The following LAMA2 variants were observed in gnomAD, a reference collection of about 807,000 sequenced individuals.
The protein encoded by LAMA2 is laminin subunit alpha 2, also known as laminin subunit alpha-2.
Under a neutral mutation model 364.8 loss-of-function variants are expected in LAMA2, and 269 were observed. The observed-to-expected ratio is 0.74, with a 90% CI of 0.67 to 0.82. The LOEUF (loss-of-function observed/expected upper bound fraction) is 0.82. Among genes scored for constraint, LAMA2 ranks in the 40% least tolerant of loss-of-function variants. The pLI, the probability that LAMA2 is intolerant of heterozygous loss-of-function variation, is 0.00. For synonymous variants in LAMA2, 1,379 were observed against 1,370.6 expected (o/e 1.01, Z -0.14); for missense variants, 3,807 against 3,873.2 (o/e 0.98, Z 0.45).
intron 53 of LAMA2, among the ~76,000 whole-genome samples, chr6:129,476,697 T>C (rs1471830560): frequency 6.6e-6 from 1 of 152,196 alleles, no homozygotes; most frequent in African/African-American, 2.4e-5. Flanking sequence ...AAGGAAAATA[T>C]GGAAGCAAGT....
chr6:129,382,456 T>TG (rs1778746371), intron 34 of LAMA2, among the ~76,000 whole-genome samples: 1 of 152,012 alleles, frequency 6.6e-6, no homozygotes, highest in Admixed American at 6.6e-5. Flanking sequence ...CTTTGGGAGG[T>TG]GGGGCTGTTT....
intron 1 of LAMA2, among the ~76,000 whole-genome samples, chr6:128,918,465 C>G (rs749131695): frequency 8.6e-5 from 13 of 152,028 alleles, no homozygotes; most frequent in Non-Finnish European, 1.6e-4. Context: ...AAGAAATAAA[C>G]AAATATTGGA....
intron 12 of LAMA2, among the ~76,000 whole-genome samples, chr6:129,232,406 C>T (rs372711167): frequency 2.0e-4 from 31 of 152,144 alleles, no homozygotes; most frequent in African/African-American, 7.2e-4. Flanking sequence ...CTTCCTTTCC[C>T]AGGTGTTATA....
At chr6:128,969,213 C>T (rs1766057756) in intron 1 of LAMA2, among the ~76,000 whole-genome samples, 2 of 152,118 alleles carry the variant, frequency 1.3e-5, no homozygotes, top group Admixed American at 1.3e-4. Flanking sequence ...ATTTCTTTTA[C>T]CTCTTTTTTG....
chr6:129,238,417 A>G lies in LAMA2; in HGVS notation c.1783-11695A>G, dbSNP rs1418198053. ...ATTTTCATGCCCTTTTAGACATAAC[A>G]TAACGTATAATTCAGAGTTGAATTA... is the stretch of plus-strand genomic sequence containing the variant. On this transcript the variant is annotated intron_variant, in intron 12 of 64. Coordinates refer to ENST00000421865, the MANE Select transcript of LAMA2 (RefSeq NM_000426.4). Among the ~76,000 whole-genome samples the G allele has an allele frequency of 2.0e-5, 3 of 152,186 alleles. No homozygotes were observed. The East Asian group carries it at 5.8e-4, about 29-fold the overall frequency.
At chr6:128,987,140 G>GTTTTTTTTTTTTTTT (rs764115716) in intron 1 of LAMA2, among the ~76,000 whole-genome samples, 24 of 121,382 alleles carry the variant, frequency 2.0e-4, no homozygotes, top group Non-Finnish European at 3.6e-4. Flanking sequence ...TTTTTTTTTT[G>GTTTTTTTTTTTTTTT]TTTTTTTTTT....
intron 1 of LAMA2, among the ~76,000 whole-genome samples, chr6:129,035,173 T>C (rs1216829915): frequency 6.6e-6 from 1 of 152,088 alleles, no homozygotes; most frequent in African/African-American, 2.4e-5. Context: ...TAATACTAGC[T>C]ATTCTAATTT....
At chr6:129,155,381 A>G (rs1041608280) in intron 8 of LAMA2, among the ~76,000 whole-genome samples, 23 of 152,268 alleles carry the variant, frequency 1.5e-4, no homozygotes, top group African/African-American at 5.5e-4. Flanking sequence ...GTCATTCTAT[A>G]TCATCTCTAA....
At chr6:129,393,350 T>C (rs1779429512) in intron 37 of LAMA2, 95 bp downstream of exon 37, 1 of 933,290 alleles carries the variant, frequency 1.1e-6, no homozygotes, top group African/African-American at 1.6e-5. Flanking sequence ...TGATGCACAT[T>C]TACAAAAGTC....
chr6:129,260,574 G>A (rs940655938), intron 14 of LAMA2, 137 bp from the exon 15 acceptor site: 298 of 724,004 alleles, frequency 4.1e-4, no homozygotes, highest in East Asian at 1.3e-3. Flanking sequence ...AGAGCTTTTG[G>A]TTATGGTATT....
At chr6:129,091,083 GA>G (rs201277327) in intron 3 of LAMA2, among the ~76,000 whole-genome samples, 1 of 151,246 alleles carries the variant, frequency 6.6e-6, no homozygotes, top group African/African-American at 2.4e-5. Context: ...CAGCACTAAG[GA>G]AAAAAAATAA....
At chr6:129,070,872 G>T (rs149140828) in intron 3 of LAMA2, among the ~76,000 whole-genome samples, 1 of 152,228 alleles carries the variant, frequency 6.6e-6, no homozygotes, top group Non-Finnish European at 1.5e-5. Flanking sequence ...CACAGAAAAG[G>T]TGACAAATAA....
At chr6:129,324,594 A>G (rs774911759) in intron 28 of LAMA2, among the ~76,000 whole-genome samples, 1 of 152,198 alleles carries the variant, frequency 6.6e-6, no homozygotes, top group Non-Finnish European at 1.5e-5. Flanking sequence ...TGCAAACATC[A>G]TAGAGTGTAC....
chr6:129,190,128 T>G lies in LAMA2; in HGVS notation c.1468-77T>G, dbSNP rs575881623. ...TAAAATGAAGAATGTACAGTTAATA[T>G]TTTCCTTATACAGACATGGACGCAG... is the stretch of plus-strand genomic sequence containing the variant. On this transcript the variant is annotated intron_variant, in intron 10 of 64. Transcript: ENST00000421865. 1.7e-5 allele frequency: 24 copies of G among 1,393,656 alleles called. No individual in the cohort carries two copies. The East Asian group carries it at 5.5e-4, about 32-fold the overall frequency. The allele number at this position is 1,393,656 out of a possible 1,614,324, so 86.3% of individuals were successfully genotyped here. A position where few individuals can be genotyped will look rare whatever the true frequency, so the allele number is the denominator to read the frequency against.
chr6:129,461,727 C>T (rs1353791087), intron 49 of LAMA2, among the ~76,000 whole-genome samples: 1 of 151,976 alleles, frequency 6.6e-6, no homozygotes, highest in East Asian at 1.9e-4. Flanking sequence ...TGCACTTCAA[C>T]ACATAAAGTA....
At position 129,420,935 on chromosome 6, in the gene LAMA2, C is replaced by G. The variant is rs146373777; in HGVS notation, c.5866-6817C>G. 3.0e-3 allele frequency among the ~76,000 whole-genome samples: 454 copies of G among 152,138 alleles called. 2 individuals carry two copies. Among genetic ancestry groups the G allele is most frequent in the Non-Finnish European group, 5.2e-3 (352 of 67,992 alleles). ...AAGTGACTATATTTGTTTGTCTTTCCTCTTCCCTCCACTCCAGTTCCATTA... is the reference window on the plus strand; with the variant it reads ...AAGTGACTATATTTGTTTGTCTTTCGTCTTCCCTCCACTCCAGTTCCATTA... On this transcript the variant is annotated intron_variant, in intron 40 of 64. Coordinates refer to ENST00000421865, the MANE Select transcript of LAMA2 (RefSeq NM_000426.4).
At chr6:129,069,522 CTG>C (rs1200474905) in intron 3 of LAMA2, among the ~76,000 whole-genome samples, 19 of 148,820 alleles carry the variant, frequency 1.3e-4, no homozygotes, top group African/African-American at 4.6e-4. Flanking sequence ...GATCTTGAAA[CTG>C]TGACTAAAAA....
At chr6:129,401,671 T>C (rs1779981171) in intron 38 of LAMA2, among the ~76,000 whole-genome samples, 1 of 152,154 alleles carries the variant, frequency 6.6e-6, no homozygotes, top group African/African-American at 2.4e-5. Context: ...CAAATGTAAA[T>C]TTACAAACAG....
chr6:129,331,314 T>C (rs1299152937), intron 29 of LAMA2, among the ~76,000 whole-genome samples: 1 of 152,176 alleles, frequency 6.6e-6, no homozygotes, highest in Admixed American at 6.5e-5. Flanking sequence ...TCATCCTTTT[T>C]CTTTTCCACA....
Sources: gnomAD v4.1 joint callset for allele counts (sites outside exome capture counted in the v4.1 genomes callset) on GRCh38, gnomAD v4.1.1 for gene constraint, MANE v1.5 for transcripts, NCBI Gene and HGNC (gene_info 2026-07-23, HGNC 2026-07-21) for gene names.